Variants in LUC7L2 observed in about 807,000 individuals in gnomAD.
LUC7L2 encodes the protein putative RNA-binding protein Luc7-like 2.
A neutral mutation model predicts 52.8 loss-of-function variants in LUC7L2; 25 were observed. The observed-to-expected ratio is 0.47, with a 90% CI of 0.34 to 0.66. The LOEUF (loss-of-function observed/expected upper bound fraction) is 0.66. Ranked by LOEUF, LUC7L2 falls within the 30% of genes least tolerant of loss-of-function variation. The pLI is 0.01. For missense variants in LUC7L2, 328 were observed against 497.8 expected (o/e 0.66, Z 3.25); for synonymous variants, 144 against 160.9 (o/e 0.89, Z 0.80).
intron 1 of LUC7L2, chr7:139,344,747 G>T (rs181342594): frequency 1.6e-5 from 2 of 125,622 alleles, no homozygotes; most frequent in Non-Finnish European, 3.1e-5. Context: ...CTGTTACCCA[G>T]ACTGGAGTGC....
chr7:139,345,533 T>G (rs772505773), intron 1 of LUC7L2: 1 of 1,614,164 alleles, frequency 6.2e-7, no homozygotes, highest in East Asian at 2.2e-5. Flanking sequence ...GAGCCCAACA[T>G]GAGCTTCATT....
At chr7:139,341,562 G>A (rs1270827059) in intron 1 of LUC7L2, 6 of 1,597,386 alleles carry the variant, frequency 3.8e-6, no homozygotes, top group Non-Finnish European at 5.1e-6. Context: ...GTGCTGGGGA[G>A]GGAGGAAGAG....
At chr7:139,392,833 T>C (rs1794502027) in intron 2 of LUC7L2, among the ~76,000 whole-genome samples, 1 of 152,088 alleles carries the variant, frequency 6.6e-6, no homozygotes, top group Non-Finnish European at 1.5e-5. Flanking sequence ...TGTATTTTTT[T>C]AGTAGAGACG....
upstream of LUC7L2, chr7:139,359,859 C>G (rs1340578120): frequency 2.2e-5 from 9 of 409,906 alleles, no homozygotes; most frequent in South Asian, 8.1e-5. Flanking sequence ...TGGTGGAGCC[C>G]CCGCGGGAAA....
intron 8 of LUC7L2, among the ~76,000 whole-genome samples, chr7:139,415,105 T>C (rs1795537097): frequency 7.6e-6 from 1 of 131,924 alleles, no homozygotes; most frequent in Non-Finnish European, 1.6e-5. Context: ...AGAGTAGGGG[T>C]TTCACCATGT....
intron 1 of LUC7L2, among the ~76,000 whole-genome samples, chr7:139,348,909 C>A (rs1261581025): frequency 6.6e-6 from 1 of 152,018 alleles, no homozygotes; most frequent in Non-Finnish European, 1.5e-5. Flanking sequence ...GCCTGTAATC[C>A]CAGCACTTTG....
chr7:139,399,061 G>T (rs976192348), intron 3 of LUC7L2, among the ~76,000 whole-genome samples: 46 of 136,444 alleles, frequency 3.4e-4, no homozygotes, highest in African/African-American at 1.6e-3. Context: ...ATTTATTTTT[G>T]AATCTACTTA....
intron 3 of LUC7L2, among the ~76,000 whole-genome samples, chr7:139,400,130 T>C (rs1460045804): frequency 1.6e-5 from 2 of 122,716 alleles, no homozygotes; most frequent in African/African-American, 1.1e-4. Flanking sequence ...TTGGTGGTTT[T>C]TGGCCTTGCG....
chr7:139,374,971 A>G (rs1229830279), intron 1 of LUC7L2: 4 of 986,108 alleles, frequency 4.1e-6, no homozygotes, highest in African/African-American at 1.7e-5. Context: ...AGAGGTATTT[A>G]TATCTCTTTT....
intron 1 of LUC7L2, among the ~76,000 whole-genome samples, chr7:139,350,840 CTAAT>C (rs935410312): frequency 7.9e-5 from 12 of 152,052 alleles, no homozygotes; most frequent in African/African-American, 2.9e-4. Flanking sequence ...CAACGCCTGG[CTAAT>C]TTTGTATTTT....
At chr7:139,359,859 C>A, upstream of LUC7L2, 1 of 410,024 alleles carries the variant, frequency 2.4e-6, no homozygotes, top group Non-Finnish European at 4.3e-6. Flanking sequence ...TGGTGGAGCC[C>A]CCGCGGGAAA....
intron 8 of LUC7L2, among the ~76,000 whole-genome samples, chr7:139,414,470 C>T (rs1180187480): frequency 1.3e-5 from 2 of 152,240 alleles, no homozygotes; most frequent in Admixed American, 6.5e-5. Context: ...TTGGAGGCCG[C>T]AGGTTGGACA....
chr7:139,420,731 C>CAT (rs1358360625), intron 9 of LUC7L2, among the ~76,000 whole-genome samples: 1 of 152,110 alleles, frequency 6.6e-6, no homozygotes, highest in East Asian at 1.9e-4. Flanking sequence ...CATCTCTTTT[C>CAT]ATATTTTATT....
At chr7:139,404,415 A>G (rs967565186) in intron 4 of LUC7L2, among the ~76,000 whole-genome samples, 15 of 152,344 alleles carry the variant, frequency 9.8e-5, no homozygotes, top group African/African-American at 3.4e-4. Flanking sequence ...AGGCTGAGAC[A>G]GGAGAATTGC....
chr7:139,398,999 A>G (rs1199998910), intron 3 of LUC7L2, among the ~76,000 whole-genome samples: 4 of 152,184 alleles, frequency 2.6e-5, no homozygotes, highest in Admixed American at 2.6e-4. Flanking sequence ...CAACTAATTT[A>G]TAGTGTATAT....
At chr7:139,412,217 TAAAA>T (rs374245116) in intron 7 of LUC7L2, among the ~76,000 whole-genome samples, 11 of 124,880 alleles carry the variant, frequency 8.8e-5, no homozygotes, top group African/African-American at 2.1e-4. Flanking sequence ...ATGTAAAAAT[TAAAA>T]AAAAAAAAAA....
chr7:139,412,207 A>AAAAAAAATTAAAATTTT (rs1795388382), intron 7 of LUC7L2, among the ~76,000 whole-genome samples: 2 of 151,666 alleles, frequency 1.3e-5, no homozygotes, highest in Admixed American at 1.3e-4. Context: ...GCAACAAAAA[A>AAAAAAAATTAAAATTTT]TGTAAAAATT....
intron 2 of LUC7L2, among the ~76,000 whole-genome samples, chr7:139,377,197 CTTTA>C (rs755032754): frequency 4.1e-4 from 63 of 151,978 alleles, no homozygotes; most frequent in Non-Finnish European, 2.1e-4. Context: ...ACTCTAAACT[CTTTA>C]TTTATTTATT....
chr7:139,367,079 C>T (rs762132320), intron 1 of LUC7L2, among the ~76,000 whole-genome samples: 2 of 152,042 alleles, frequency 1.3e-5, no homozygotes, highest in Non-Finnish European at 2.9e-5. Context: ...CGAGTTCAGG[C>T]GATTACCCTA....
Sources: gnomAD v4.1 joint callset for allele counts (sites outside exome capture counted in the v4.1 genomes callset) on GRCh38, gnomAD v4.1.1 for gene constraint, MANE v1.5 for transcripts, NCBI Gene and HGNC (gene_info 2026-07-23, HGNC 2026-07-21) for gene names.